The following GMDS variants were observed in gnomAD, a reference collection of about 807,000 sequenced individuals.
GMDS encodes the protein GDP-mannose 4,6 dehydratase.
GMDS carries 20 observed loss-of-function variants against 49.9 expected under a neutral mutation model. The observed-to-expected ratio is 0.40, with a 90% CI of 0.28 to 0.58. GMDS has a LOEUF of 0.58. GMDS is among the 20% of genes least tolerant of loss of function. GMDS has a pLI of 0.42. For synonymous variants in GMDS, 177 were observed against 178.6 expected, an observed-to-expected ratio of 0.99 and a Z score of 0.07; for missense variants, 362 against 481.4, an observed-to-expected ratio of 0.75 and a Z score of 2.32.
intron 1 of GMDS, among the ~76,000 whole-genome samples, chr6:2,127,539 C>T (rs1314710435): frequency 6.6e-6 from 1 of 152,232 alleles, no homozygotes; most frequent in African/African-American, 2.4e-5. Flanking sequence ...GTTCTTCTCA[C>T]CCAGGCTGCT....
chr6:1,720,658 C>T (rs1259733306), intron 9 of GMDS, among the ~76,000 whole-genome samples: 1 of 152,168 alleles, frequency 6.6e-6, no homozygotes, highest in Non-Finnish European at 1.5e-5. Context: ...GTAGTCTCGC[C>T]TCTCTTTCTA....
At chr6:1,996,941 C>CT (rs1010515038) in intron 4 of GMDS, among the ~76,000 whole-genome samples, 29 of 151,390 alleles carry the variant, frequency 1.9e-4, no homozygotes, top group Admixed American at 7.9e-4. Context: ...AGACCCTAGT[C>CT]TTTTTTTTTG....
intron 1 of GMDS, among the ~76,000 whole-genome samples, chr6:2,185,296 C>A (rs1364672859): frequency 6.6e-6 from 1 of 152,194 alleles, no homozygotes; most frequent in Non-Finnish European, 1.5e-5. Flanking sequence ...CCTGTGGTCA[C>A]CGCCAGCTGC....
chr6:1,956,671 G>A (rs570644451), intron 6 of GMDS, among the ~76,000 whole-genome samples: 2 of 152,124 alleles, frequency 1.3e-5, no homozygotes, highest in African/African-American at 4.8e-5. Flanking sequence ...AGACTGATGA[G>A]TAAATGTTCA....
At chr6:2,230,864 C>CAA (rs566882206) in intron 1 of GMDS, among the ~76,000 whole-genome samples, 1 of 144,252 alleles carries the variant, frequency 6.9e-6, no homozygotes, top group Non-Finnish European at 1.5e-5. Flanking sequence ...TACTTCTCCT[C>CAA]AAAAAAAAAC....
intron 7 of GMDS, among the ~76,000 whole-genome samples, chr6:1,891,043 CT>C (rs780257316): frequency 6.6e-6 from 1 of 152,114 alleles, no homozygotes; most frequent in Non-Finnish European, 1.5e-5. Flanking sequence ...AAAAATCAAC[CT>C]TATTTTCTTT....
intron 4 of GMDS, among the ~76,000 whole-genome samples, chr6:2,047,349 G>T (rs1770083740): frequency 6.6e-6 from 1 of 152,192 alleles, no homozygotes; most frequent in Non-Finnish European, 1.5e-5. Context: ...ACGAACAAGG[G>T]CAGTGGAAAA....
intron 7 of GMDS, among the ~76,000 whole-genome samples, chr6:1,915,186 T>C (rs1407163612): frequency 6.6e-6 from 1 of 152,234 alleles, no homozygotes; most frequent in Non-Finnish European, 1.5e-5. Flanking sequence ...CTGAGTTGGT[T>C]TGACTGAGTT....
At chr6:2,038,051 A>G (rs767113696) in intron 4 of GMDS, among the ~76,000 whole-genome samples, 14 of 152,272 alleles carry the variant, frequency 9.2e-5, no homozygotes, top group Non-Finnish European at 1.9e-4. Flanking sequence ...CTTGAAATAA[A>G]GAGGGTTGGG....
chr6:2,134,304 C>A lies in GMDS; in HGVS notation c.103-9573G>T, dbSNP rs146517475. Reference sequence around the variant, plus strand: ...CTTTGCTTTCTTTTGCCAACAGCAGCGGGGGCTTAGCTCTTATTCAACCAT... The same window carrying A: ...CTTTGCTTTCTTTTGCCAACAGCAGAGGGGGCTTAGCTCTTATTCAACCAT... On this transcript the variant is annotated intron_variant, in intron 1 of 10. Transcript: ENST00000380815. Among the ~76,000 whole-genome samples the A allele has an allele frequency of 1.0e-3, 157 of 152,292 alleles. 1 individual carries two copies. Among genetic ancestry groups the A allele is most frequent in the African/African-American group, 3.6e-3 (149 of 41,556 alleles).
intron 1 of GMDS, among the ~76,000 whole-genome samples, chr6:2,204,078 A>G (rs1394831789): frequency 6.6e-6 from 1 of 152,164 alleles, no homozygotes; most frequent in African/African-American, 2.4e-5. Context: ...CTAGCATCCT[A>G]GTTGTCTTTA....
At chr6:1,759,374 C>A (rs1037243666) in intron 7 of GMDS, among the ~76,000 whole-genome samples, 1 of 152,200 alleles carries the variant, frequency 6.6e-6, no homozygotes, top group Non-Finnish European at 1.5e-5. Flanking sequence ...AAGTCATACA[C>A]CTGCTAAGTG....
At chr6:2,106,523 A>G (rs1581658569) in intron 4 of GMDS, among the ~76,000 whole-genome samples, 1 of 152,308 alleles carries the variant, frequency 6.6e-6, no homozygotes, top group South Asian at 2.1e-4. Flanking sequence ...ACAAAGTATC[A>G]TTTATGTCTT....
chr6:1,678,410 C>T (rs1472955724), intron 9 of GMDS, among the ~76,000 whole-genome samples: 1 of 152,130 alleles, frequency 6.6e-6, no homozygotes, highest in Non-Finnish European at 1.5e-5. Context: ...CCATCGATCT[C>T]TCAGATTTGA....
In GMDS at chr6:1,991,360, G is replaced by A. The variant is rs538474823; in HGVS notation, c.346-30394C>T. Among the ~76,000 whole-genome samples the A allele has an allele frequency of 1.1e-4, 16 of 151,924 alleles. No individual in the cohort carries two copies. In the South Asian group the frequency reaches 2.9e-3, roughly 28 times the overall value. On this transcript the variant is annotated intron_variant, in intron 4 of 10. Transcript: ENST00000380815. The stretch of plus-strand genomic sequence containing the variant: ...CCTAAAAAGCTCCATCTCCTTTCCC[G>A]CACCTGGCCTACTCCCCACATCGTC...
intron 7 of GMDS, among the ~76,000 whole-genome samples, chr6:1,810,641 G>C (rs560930731): frequency 6.6e-6 from 1 of 152,194 alleles, no homozygotes; most frequent in Non-Finnish European, 1.5e-5. Flanking sequence ...TGAAGAGCCT[G>C]ATCTGCCAGG....
intron 7 of GMDS, among the ~76,000 whole-genome samples, chr6:1,823,013 C>T (rs1770959772): frequency 6.6e-6 from 1 of 152,134 alleles, no homozygotes; most frequent in South Asian, 2.1e-4. Flanking sequence ...ATTTATACCA[C>T]AGGATTTCCT....
intron 7 of GMDS, among the ~76,000 whole-genome samples, chr6:1,870,075 A>G (rs970093406): frequency 1.1e-4 from 16 of 152,206 alleles, no homozygotes; most frequent in African/African-American, 3.9e-4. Context: ...AGATAGGAAG[A>G]CCATGCCAGG....
chr6:2,244,347 G>A (rs1398830401), intron 1 of GMDS, among the ~76,000 whole-genome samples: 1 of 152,054 alleles, frequency 6.6e-6, no homozygotes, highest in East Asian at 1.9e-4. Flanking sequence ...GTTAATGTTA[G>A]GCAAGCGACT....
Sources: allele counts gnomAD v4.1 joint callset (sites outside exome capture counted in the v4.1 genomes callset), GRCh38; gene constraint gnomAD v4.1.1; transcripts MANE v1.5; gene names NCBI Gene and HGNC (gene_info 2026-07-23, HGNC 2026-07-21).